CNTN4: variants seen among roughly 807,000 people sequenced by gnomAD.
CNTN4 encodes the protein contactin 4, also known as contactin-4.
Under a neutral mutation model 122.5 loss-of-function variants are expected in CNTN4, and 77 were observed. The ratio of observed to expected loss-of-function variants is 0.63; its 90% CI spans 0.52 to 0.76. The LOEUF is 0.76. Ranked by LOEUF, CNTN4 falls within the 30% of genes least tolerant of loss-of-function variation. CNTN4 has a pLI of 0.00. For synonymous variants in CNTN4, 512 were observed against 447.0 expected (o/e 1.15, Z -1.83); for missense variants, 1,256 against 1,259.1 (o/e 1.00, Z 0.04).
rs367896417 is a variant in CNTN4 at position 2,568,549 on chromosome 3, C to A, written c.-88-2867C>A. On this transcript the variant is annotated intron_variant, in intron 3 of 24. Transcript: ENST00000418658. ...TCACAGCTGCAGGGGAGATCTATTG[C>A]CACCATAACTCTTGGCTCATCCTGC... is the stretch of plus-strand genomic sequence containing the variant. 2.4e-4 allele frequency among the ~76,000 whole-genome samples: 36 copies of A among 152,168 alleles called. No homozygotes were observed. In the East Asian group the frequency reaches 6.8e-3, roughly 29 times the overall value.
chr3:3,022,113 G>A (rs192185374), intron 14 of CNTN4, among the ~76,000 whole-genome samples: 9 of 151,638 alleles, frequency 5.9e-5, no homozygotes, highest in African/African-American at 1.9e-4. Context: ...GCATGGTGGT[G>A]TGCACCTTTG....
At chr3:2,132,915 C>T (rs1256505349) in intron 2 of CNTN4, among the ~76,000 whole-genome samples, 1 of 152,142 alleles carries the variant, frequency 6.6e-6, no homozygotes, top group Non-Finnish European at 1.5e-5. Context: ...AACAGTTGGT[C>T]AAACAGCTTC....
chr3:2,436,751 T>G (rs2151247747), intron 3 of CNTN4, among the ~76,000 whole-genome samples: 1 of 150,990 alleles, frequency 6.6e-6, no homozygotes, highest in African/African-American at 2.4e-5. Flanking sequence ...TTTAAGCAAC[T>G]TCATATATTT....
At chr3:3,016,263 G>A (rs928114649) in intron 14 of CNTN4, among the ~76,000 whole-genome samples, 4 of 152,146 alleles carry the variant, frequency 2.6e-5, no homozygotes, top group African/African-American at 7.2e-5. Context: ...CTTTTGAATC[G>A]TAAAGAAAGC....
chr3:2,260,732 A>T (rs567904781), intron 2 of CNTN4, among the ~76,000 whole-genome samples: 14,519 of 147,248 alleles, frequency 0.099, 843 homozygotes, highest in Middle Eastern at 0.15. Context: ...TTATTTATTT[A>T]TTTTTTTTTT....
At chr3:2,935,081 T>G (rs866035345) in intron 13 of CNTN4, among the ~76,000 whole-genome samples, 4 of 152,062 alleles carry the variant, frequency 2.6e-5, no homozygotes, top group South Asian at 2.1e-4. Context: ...GGCCCAGTCC[T>G]CTGGGAGACC....
intron 16 of CNTN4, among the ~76,000 whole-genome samples, chr3:3,032,007 G>T (rs1310915643): frequency 6.6e-6 from 1 of 152,086 alleles, no homozygotes; most frequent in East Asian, 1.9e-4. Flanking sequence ...ATGTAAGGGG[G>T]GAAATGTGTG....
At chr3:2,762,818 C>G (rs1296119511) in intron 6 of CNTN4, among the ~76,000 whole-genome samples, 1 of 151,870 alleles carries the variant, frequency 6.6e-6, no homozygotes, top group Non-Finnish European at 1.5e-5. Context: ...TCATTTTTCT[C>G]TATAACCTTG....
chr3:2,781,778 G>A (rs530811022), intron 6 of CNTN4, among the ~76,000 whole-genome samples: 2 of 132,750 alleles, frequency 1.5e-5, no homozygotes, highest in African/African-American at 3.4e-5. Flanking sequence ...AGGCTGGAGG[G>A]CAGTAGCGCG....
At chr3:3,020,329 G>A (rs1036231695) in intron 14 of CNTN4, among the ~76,000 whole-genome samples, 3 of 152,224 alleles carry the variant, frequency 2.0e-5, no homozygotes, top group South Asian at 2.1e-4. Context: ...AAGCTGATCA[G>A]TTACAGGGGG....
intron 4 of CNTN4, among the ~76,000 whole-genome samples, chr3:2,687,898 G>A (rs768262238): frequency 5.9e-4 from 90 of 152,206 alleles, no homozygotes; most frequent in Non-Finnish European, 9.7e-4. Flanking sequence ...AACTCAGAGA[G>A]GCCTTGTTCA....
At chr3:3,033,922 G>A (rs1315944841) in intron 16 of CNTN4, among the ~76,000 whole-genome samples, 1 of 152,172 alleles carries the variant, frequency 6.6e-6, no homozygotes, top group Non-Finnish European at 1.5e-5. Context: ...AGAAAAATAC[G>A]GGTATGAGTT....
chr3:2,747,269 C>T (rs1189397262), intron 6 of CNTN4, among the ~76,000 whole-genome samples: 1 of 149,002 alleles, frequency 6.7e-6, no homozygotes, highest in Non-Finnish European at 1.5e-5. Context: ...ATTAGCCGGG[C>T]GCAGTGGCAG....
chr3:2,535,333 C>T (rs1250496754), intron 3 of CNTN4, among the ~76,000 whole-genome samples: 1 of 152,130 alleles, frequency 6.6e-6, no homozygotes, highest in African/African-American at 2.4e-5. Context: ...CCTTTGTTTC[C>T]AAATATGTAT....
intron 2 of CNTN4, among the ~76,000 whole-genome samples, chr3:2,337,513 G>C (rs2044005223): frequency 1.3e-5 from 2 of 151,998 alleles, no homozygotes; most frequent in South Asian, 4.1e-4. Flanking sequence ...ATAATCCTTT[G>C]AGGATGAATA....
At chr3:2,520,464 G>A (rs904481621) in intron 3 of CNTN4, among the ~76,000 whole-genome samples, 2 of 151,340 alleles carry the variant, frequency 1.3e-5, no homozygotes, top group Non-Finnish European at 2.9e-5. Context: ...GTAGAGACGG[G>A]GGTTTCACAA....
At chr3:3,051,924 G>A (rs1427279344) in intron 23 of CNTN4, among the ~76,000 whole-genome samples, 3 of 152,104 alleles carry the variant, frequency 2.0e-5, no homozygotes, top group Admixed American at 6.6e-5. Context: ...GCTTCTCAAC[G>A]CATGATCCCT....
chr3:2,813,891 T>G (rs898153139), intron 6 of CNTN4, among the ~76,000 whole-genome samples: 1 of 152,202 alleles, frequency 6.6e-6, no homozygotes, highest in African/African-American at 2.4e-5. Flanking sequence ...ATTAAGACTT[T>G]TTATTATTGA....
At chr3:2,884,512 G>C (rs1012768173) in intron 9 of CNTN4, among the ~76,000 whole-genome samples, 1 of 152,066 alleles carries the variant, frequency 6.6e-6, no homozygotes, top group African/African-American at 2.4e-5. Flanking sequence ...ACACTCTACA[G>C]ACATTAAAAG....
Sources: gnomAD v4.1 joint callset for allele counts (sites outside exome capture counted in the v4.1 genomes callset) on GRCh38, gnomAD v4.1.1 for gene constraint, MANE v1.5 for transcripts, NCBI Gene and HGNC (gene_info 2026-07-23, HGNC 2026-07-21) for gene names.